Variants in CEP85L observed in about 807,000 individuals in gnomAD.
CEP85L encodes centrosomal protein of 85 kDa-like.
CEP85L carries 60 observed loss-of-function variants against 100.3 expected under a neutral mutation model. That is an observed-to-expected ratio of 0.60 (90% confidence interval 0.49 to 0.74). The LOEUF is 0.74. CEP85L is among the 30% of genes least tolerant of loss of function. The pLI is 0.00. For synonymous variants in CEP85L, 319 were observed against 322.7 expected, an observed-to-expected ratio of 0.99 and a Z score of 0.12; for missense variants, 973 against 936.2, an observed-to-expected ratio of 1.04 and a Z score of -0.51.
chr6:118,595,764 C>A (rs1781430722), intron 2 of CEP85L, among the ~76,000 whole-genome samples: 2 of 152,100 alleles, frequency 1.3e-5, no homozygotes, highest in African/African-American at 4.8e-5. Flanking sequence ...GAGGTTTTTA[C>A]AATAATCAGT....
intron 1 of CEP85L, among the ~76,000 whole-genome samples, chr6:118,660,235 C>A (rs942089159): frequency 3.9e-5 from 6 of 152,210 alleles, no homozygotes; most frequent in Non-Finnish European, 5.9e-5. Context: ...GCAAGTATAA[C>A]CTCTGTGAAG....
At chr6:118,628,669 C>A (rs183720512) in intron 2 of CEP85L, among the ~76,000 whole-genome samples, 1 of 126,630 alleles carries the variant, frequency 7.9e-6, no homozygotes, top group Admixed American at 7.5e-5. Flanking sequence ...AACAAACAAA[C>A]AAAACACATT....
chr6:118,475,551 T>A (rs989844926), intron 10 of CEP85L, among the ~76,000 whole-genome samples: 3 of 151,778 alleles, frequency 2.0e-5, no homozygotes, highest in African/African-American at 7.3e-5. Flanking sequence ...GATGGAAGTT[T>A]CACTGTGTTA....
At chr6:118,637,587 T>C (rs1774580584) in intron 1 of CEP85L, among the ~76,000 whole-genome samples, 1 of 149,088 alleles carries the variant, frequency 6.7e-6, no homozygotes, top group East Asian at 2.0e-4. Flanking sequence ...TGGTGGCACA[T>C]GCCTGTAGTC....
intron 1 of CEP85L, among the ~76,000 whole-genome samples, chr6:118,707,960 G>T (rs972800480): frequency 2.8e-5 from 3 of 107,442 alleles, no homozygotes; most frequent in Non-Finnish European, 5.1e-5. Flanking sequence ...GGGAGAAAGA[G>T]TTGCTTTTTT....
Position 118,523,866 on chromosome 6 carries a change from T to C in CEP85L, c.1075A>G (p.Lys359Glu). 3 of 1,610,146 alleles carry C rather than the reference T, an allele frequency of 1.9e-6. No homozygotes were observed. The South Asian group carries it at 3.3e-5, about 18-fold the overall frequency. Residue 359 changes from lysine to glutamate, a missense_variant, in exon 4 of 13, where the codon AAG becomes GAG. Transcript: ENST00000368491. ...TTTATTTTCAACATTGATTCCCACT[T>C]ACTGAAATCCTGATAGCCAGGTGAA... is the stretch of plus-strand genomic sequence containing the variant. ...SYSPGYQDFS[K>E]WESMLKIKEG...
At chr6:118,572,260 T>A in intron 2 of CEP85L, among the ~76,000 whole-genome samples, 1 of 131,120 alleles carries the variant, frequency 7.6e-6, no homozygotes, top group Non-Finnish European at 1.6e-5. Flanking sequence ...ATGCCACATG[T>A]AACCCATTCT....
chr6:118,520,121 C>T (rs1281696967), intron 4 of CEP85L, among the ~76,000 whole-genome samples: 1 of 152,060 alleles, frequency 6.6e-6, no homozygotes, highest in Non-Finnish European at 1.5e-5. Flanking sequence ...AAGACTTTCA[C>T]CTAAAACAAA....
rs77440799 is a variant in CEP85L, at chr6:118,700,325, T to C, written c.-28+9711A>G. On this transcript the variant is annotated intron_variant, in intron 1 of 13. Coordinates refer to the CEP85L transcript ENST00000368488. ...TGTTGGCTTCCTTCACCTGTATTCT[T>C]ACAAAAATGTCTAGCATTTCCTGTT... Among the ~76,000 whole-genome samples the C allele has an allele frequency of 9.2e-3, 1,397 of 152,362 alleles. 31 individuals are homozygous for C. The highest frequency in any genetic ancestry group is 0.031 in the African/African-American group (1,294 of 41,588).
intron 2 of CEP85L, among the ~76,000 whole-genome samples, chr6:118,585,343 T>G (rs977693498): frequency 6.6e-6 from 1 of 152,246 alleles, no homozygotes; most frequent in African/African-American, 2.4e-5. Flanking sequence ...AACAGGTTAT[T>G]ATCCTCAGTT....
intron 7 of CEP85L, 134 bp downstream of exon 7, chr6:118,483,572 A>G (rs571424844): frequency 1.6e-5 from 12 of 732,764 alleles, no homozygotes; most frequent in South Asian, 3.8e-5. Context: ...TTAGATAAAC[A>G]AAGTTTCTTA....
chr6:118,631,039 G>A (rs948509661), intron 2 of CEP85L, among the ~76,000 whole-genome samples: 4 of 152,182 alleles, frequency 2.6e-5, no homozygotes, highest in African/African-American at 9.7e-5. Context: ...CAAAAAGGTT[G>A]GGGACTGCTA....
chr6:118,580,794 C>T lies in CEP85L; in HGVS notation c.233-14478G>A, dbSNP rs117304415. ...CGGTCATGAAACTTTCCTTCCTTTT[C>T]TATCTGTGGTCTCTTACTCTGTGTG... On this transcript the variant is annotated intron_variant, in intron 2 of 12. Coordinates refer to ENST00000368491, the MANE Select transcript of CEP85L (RefSeq NM_001042475.3). Among the ~76,000 whole-genome samples the T allele has an allele frequency of 1.5e-3, 232 of 152,346 alleles. 7 individuals carry two copies. The East Asian group carries it at 0.036, about 24-fold the overall frequency.
intron 6 of CEP85L, among the ~76,000 whole-genome samples, chr6:118,484,799 A>AT (rs1774058431): frequency 6.6e-6 from 1 of 152,250 alleles, no homozygotes; most frequent in Non-Finnish European, 1.5e-5. Flanking sequence ...GAAATTGCTT[A>AT]TAGTGTACTA....
At chr6:118,612,975 TTG>T (rs1174729432) in intron 2 of CEP85L, among the ~76,000 whole-genome samples, 1 of 151,816 alleles carries the variant, frequency 6.6e-6, no homozygotes, top group Non-Finnish European at 1.5e-5. Flanking sequence ...TCCCAGCACT[TTG>T]GGAGGTCGAG....
chr6:118,498,191 T>C (rs1487337037), intron 5 of CEP85L, among the ~76,000 whole-genome samples: 3 of 151,984 alleles, frequency 2.0e-5, no homozygotes, highest in Non-Finnish European at 4.4e-5. Flanking sequence ...TTGATTAATA[T>C]AAAATGCTCA....
intron 4 of CEP85L, among the ~76,000 whole-genome samples, chr6:118,519,987 A>G (rs1776563112): frequency 6.6e-6 from 1 of 152,236 alleles, no homozygotes; most frequent in Admixed American, 6.5e-5. Context: ...GGTATATCCC[A>G]GGAATAACAT....
chr6:118,625,874 C>T (rs779908271), intron 2 of CEP85L, among the ~76,000 whole-genome samples: 13 of 151,910 alleles, frequency 8.6e-5, no homozygotes, highest in Non-Finnish European at 1.5e-4. Context: ...AGGATAAAGG[C>T]CATCAAGCTA....
chr6:118,476,841 C>T (rs1448585194), intron 10 of CEP85L, among the ~76,000 whole-genome samples: 6 of 152,092 alleles, frequency 3.9e-5, no homozygotes, highest in Non-Finnish European at 7.4e-5. Context: ...CATTTAAATG[C>T]CTAAGTTCTT....
Sources: allele counts gnomAD v4.1 joint callset (sites outside exome capture counted in the v4.1 genomes callset), GRCh38; gene constraint gnomAD v4.1.1; transcripts MANE v1.5; gene names NCBI Gene and HGNC (gene_info 2026-07-23, HGNC 2026-07-21).